The following RYR2 variants were observed in gnomAD, a reference collection of about 807,000 sequenced individuals.
RYR2 encodes cardiac muscle ryanodine receptor-calcium release channel.
Under a neutral mutation model 601.1 loss-of-function variants are expected in RYR2, and 227 were observed. The ratio of observed to expected loss-of-function variants is 0.38; its 90% CI spans 0.34 to 0.42. RYR2 has a LOEUF of 0.42. RYR2 is among the 10% of genes least tolerant of loss of function. The probability of loss-of-function intolerance (pLI) is 1.00; values close to 1 mark genes in which losing one functional copy is unlikely to be tolerated. For synonymous variants in RYR2, 2,223 were observed against 2,175.1 expected, an observed-to-expected ratio of 1.02 and a Z score of -0.61; for missense variants, 4,646 against 6,156.5, an observed-to-expected ratio of 0.75 and a Z score of 8.21.
chr1:237,702,569 G>T (rs1239517981), intron 66 of RYR2, among the ~76,000 whole-genome samples: 10 of 151,958 alleles, frequency 6.6e-5, no homozygotes, highest in Admixed American at 2.0e-4. Flanking sequence ...AAACAGGGAA[G>T]TTTTTTTAAA....
intron 2 of RYR2, among the ~76,000 whole-genome samples, chr1:237,272,363 A>G (rs935590204): frequency 6.6e-6 from 1 of 151,960 alleles, no homozygotes; most frequent in African/African-American, 2.4e-5. Flanking sequence ...CATAGATTTC[A>G]TAAGAGGCCA....
chr1:237,255,656 A>G (rs1378026862), intron 1 of RYR2, among the ~76,000 whole-genome samples: 1 of 152,186 alleles, frequency 6.6e-6, no homozygotes, highest in Non-Finnish European at 1.5e-5. Flanking sequence ...TTTGAAATCA[A>G]ATTTCACTAG....
rs1672115338 is a variant in RYR2, at chr1:237,566,633, A to G, written c.3281A>G (p.Tyr1094Cys). ...RFRIFRAEKT[Y>C]AVKAGRWYFE... ...CGAATCTTCCGTGCCGAGAAGACCT[A>G]TGCAGTGAAGGCCGGACGGTGGTAT... Residue 1094 changes from tyrosine (Y) to cysteine (C), a missense_variant, in exon 28 of 105, where the codon TAT becomes TGT. By Grantham distance (194) the Tyr-to-Cys change is radical. Around this residue, in one of 17 missense-constraint regions of RYR2, gnomAD observed 1,807 missense variants for 2,088.1 expected, o/e 0.87. Transcript: ENST00000366574. 8 of 1,613,886 alleles carry G rather than the reference A, an allele frequency of 5.0e-6. No homozygotes were observed. The highest frequency in any genetic ancestry group is 5.1e-6 in the Non-Finnish European group (6 of 1,179,880).
At chr1:237,686,194 C>T (rs938831635) in intron 62 of RYR2, among the ~76,000 whole-genome samples, 1 of 152,122 alleles carries the variant, frequency 6.6e-6, no homozygotes, top group Admixed American at 6.5e-5. Flanking sequence ...CTTAGCTGTT[C>T]TCGTTATTGG....
intron 1 of RYR2, among the ~76,000 whole-genome samples, chr1:237,140,446 A>G (rs547078131): frequency 6.6e-6 from 1 of 152,302 alleles, no homozygotes; most frequent in Admixed American, 6.5e-5. Flanking sequence ...GTGAACTTGA[A>G]TTCTCTCTTG....
At position 237,377,351 on chromosome 1, in the gene RYR2, T is replaced by G; in HGVS notation, c.492T>G (p.Pro164=). 1 of 1,613,264 alleles carries G rather than the reference T, an allele frequency of 6.2e-7. No individual in the cohort carries two copies. Among genetic ancestry groups the G allele is most frequent in the Non-Finnish European group, 8.5e-7 (1 of 1,179,418 alleles). ...TGEACWWTIH[P]ASKQRSEGEK... ...AGGCTTGTTGGTGGACCATACACCC[T>G]GCCTCTAAGCAGCGATCAGAAGGAG... The change falls in exon 8 of 105, where the codon CCT becomes CCG. Residue 164 remains proline (P), a synonymous_variant. Transcript: ENST00000366574.
intron 2 of RYR2, among the ~76,000 whole-genome samples, chr1:237,307,239 G>C (rs1323014551): frequency 1.3e-5 from 2 of 152,188 alleles, no homozygotes; most frequent in East Asian, 3.9e-4. Context: ...TCATGAGGAA[G>C]AATCTAAACT....
chr1:237,189,532 G>A (rs945432205), intron 1 of RYR2, among the ~76,000 whole-genome samples: 3 of 152,220 alleles, frequency 2.0e-5, no homozygotes, highest in African/African-American at 7.2e-5. Flanking sequence ...TAGGTCATGA[G>A]GGTGAGGTGC....
At chr1:237,353,531 A>G (rs1243807634) in intron 3 of RYR2, among the ~76,000 whole-genome samples, 2 of 150,748 alleles carry the variant, frequency 1.3e-5, no homozygotes, top group Non-Finnish European at 3.0e-5. Flanking sequence ...AAAAAAAAAA[A>G]GAATGCAAAA....
At chr1:237,563,903 C>A (rs1462290111) in intron 27 of RYR2, among the ~76,000 whole-genome samples, 1 of 151,756 alleles carries the variant, frequency 6.6e-6, no homozygotes, top group African/African-American at 2.4e-5. Context: ...GTTTAGTTTT[C>A]CAAAAAAACT....
intron 17 of RYR2, among the ~76,000 whole-genome samples, chr1:237,473,431 CTCTTTCTTTCTTTCTT>C (rs58358151): frequency 1.7e-5 from 2 of 115,772 alleles, no homozygotes; most frequent in South Asian, 6.2e-4. Flanking sequence ...CTCTCTCTCT[CTCTTTCTTTCTTTCTT>C]TCTTTCTTTC....
At chr1:237,109,688 C>T (rs946445811) in intron 1 of RYR2, among the ~76,000 whole-genome samples, 1 of 150,748 alleles carries the variant, frequency 6.6e-6, no homozygotes, top group Non-Finnish European at 1.5e-5. Context: ...TGACACTGCA[C>T]TCCAGCCTGG....
chr1:237,097,115 A>G (rs773047021), intron 1 of RYR2, among the ~76,000 whole-genome samples: 2 of 152,204 alleles, frequency 1.3e-5, no homozygotes, highest in Non-Finnish European at 2.9e-5. Context: ...CAACTTCTAG[A>G]TGGCATATAT....
intron 11 of RYR2, among the ~76,000 whole-genome samples, chr1:237,418,092 G>T (rs1008194128): frequency 3.3e-5 from 5 of 151,962 alleles, no homozygotes; most frequent in Non-Finnish European, 5.9e-5. Context: ...ACTCAGGCTG[G>T]AGTGCAGTGG....
At chr1:237,260,670 AAAAAT>A (rs1316503498) in intron 1 of RYR2, among the ~76,000 whole-genome samples, 4 of 152,198 alleles carry the variant, frequency 2.6e-5, no homozygotes, top group African/African-American at 9.6e-5. Context: ...CTGTCTCTAC[AAAAAT>A]AAAATAAAAT....
chr1:237,600,114 A>G (rs1676334450), intron 34 of RYR2, among the ~76,000 whole-genome samples: 1 of 152,186 alleles, frequency 6.6e-6, no homozygotes. Flanking sequence ...AAAGACCCCA[A>G]GCAGCCAAAG....
intron 24 of RYR2, among the ~76,000 whole-genome samples, chr1:237,516,423 T>G (rs1666553514): frequency 6.6e-6 from 1 of 152,142 alleles, no homozygotes. Flanking sequence ...CTGGCCAATC[T>G]TCCCAAGTTC....
At chr1:237,298,448 T>C (rs1288200822) in intron 2 of RYR2, among the ~76,000 whole-genome samples, 1 of 152,190 alleles carries the variant, frequency 6.6e-6, no homozygotes, top group East Asian at 1.9e-4. Flanking sequence ...AAAGAATCAT[T>C]GGTGTAGGCT....
intron 100 of RYR2, among the ~76,000 whole-genome samples, chr1:237,814,207 A>G (rs1661543141): frequency 6.6e-6 from 1 of 152,256 alleles, no homozygotes; most frequent in South Asian, 2.1e-4. Context: ...GTGCGCTTTC[A>G]AAGTACAGGC....
Sources: gnomAD v4.1 joint callset for allele counts (sites outside exome capture counted in the v4.1 genomes callset) on GRCh38, gnomAD v4.1.1 for gene constraint, gnomAD v4.1.1 regional missense constraint, MANE v1.5 for transcripts, NCBI Gene and HGNC (gene_info 2026-07-23, HGNC 2026-07-21) for gene names.